STAG1: variants seen among roughly 807,000 people sequenced by gnomAD.
STAG1 encodes the protein cohesin subunit SA-1.
A neutral mutation model predicts 170.9 loss-of-function variants in STAG1; 26 were observed. That is an observed-to-expected ratio of 0.15 (90% CI 0.11 to 0.21). The LOEUF (loss-of-function observed/expected upper bound fraction) is 0.21. Among genes scored for constraint, STAG1 ranks in the 10% least tolerant of loss-of-function variants. The pLI, the probability that STAG1 is intolerant of heterozygous loss-of-function variation, is 1.00. For missense variants in STAG1, 964 were observed against 1,509.5 expected, an observed-to-expected ratio of 0.64 and a Z score of 5.99; for synonymous variants, 514 against 497.7, an observed-to-expected ratio of 1.03 and a Z score of -0.44.
chr3:136,400,934 A>G (rs1017746115), intron 21 of STAG1, among the ~76,000 whole-genome samples: 1 of 152,052 alleles, frequency 6.6e-6, no homozygotes, highest in African/African-American at 2.4e-5. Context: ...AAACAACTGA[A>G]TTTTCCTATC....
At chr3:136,468,265 C>A (rs957706371) in intron 12 of STAG1, among the ~76,000 whole-genome samples, 1 of 151,554 alleles carries the variant, frequency 6.6e-6, no homozygotes, top group Non-Finnish European at 1.5e-5. Flanking sequence ...ACTAGCAAGA[C>A]TAATAAAGAA....
At chr3:136,454,806 C>G (rs2089059061) in intron 13 of STAG1, among the ~76,000 whole-genome samples, 1 of 152,152 alleles carries the variant, frequency 6.6e-6, no homozygotes, top group Non-Finnish European at 1.5e-5. Flanking sequence ...ACAGATCTTA[C>G]TACTTTTTGG....
intron 14 of STAG1, among the ~76,000 whole-genome samples, chr3:136,447,287 C>G (rs940682259): frequency 2.0e-5 from 3 of 151,672 alleles, no homozygotes; most frequent in Non-Finnish European, 2.9e-5. Context: ...ATCTGGCCAA[C>G]ATGGTGAAAC....
intron 3 of STAG1, among the ~76,000 whole-genome samples, chr3:136,614,959 T>C (rs540848274): frequency 4.6e-5 from 7 of 152,078 alleles, no homozygotes; most frequent in Admixed American, 2.6e-4. Context: ...GATAAATACG[T>C]GCAATATAAA....
At chr3:136,500,500 T>A (rs1309652012) in intron 8 of STAG1, among the ~76,000 whole-genome samples, 1 of 152,194 alleles carries the variant, frequency 6.6e-6, no homozygotes, top group African/African-American at 2.4e-5. Flanking sequence ...CTTTTCACTG[T>A]CTCTCTCTAG....
intron 4 of STAG1, among the ~76,000 whole-genome samples, chr3:136,572,032 C>A (rs111559125): frequency 6.7e-4 from 101 of 151,596 alleles, no homozygotes; most frequent in African/African-American, 2.4e-3. Flanking sequence ...AAAATACCAA[C>A]AAAAAGACAG....
chr3:136,665,491 G>C (rs558628262), intron 1 of STAG1, among the ~76,000 whole-genome samples: 2 of 152,204 alleles, frequency 1.3e-5, no homozygotes, highest in African/African-American at 4.8e-5. Context: ...CTTTAGAAGT[G>C]AAAGAAGGCC....
At chr3:136,582,300 C>T (rs1937607958) in intron 4 of STAG1, among the ~76,000 whole-genome samples, 1 of 152,192 alleles carries the variant, frequency 6.6e-6, no homozygotes. Context: ...GTAATAAACA[C>T]GGCTAGAAGA....
At chr3:136,718,313 G>A (rs997648408) in intron 1 of STAG1, among the ~76,000 whole-genome samples, 1 of 151,938 alleles carries the variant, frequency 6.6e-6, no homozygotes, top group African/African-American at 2.4e-5. Flanking sequence ...TATGTGAGGA[G>A]GCAATAAACT....
At chr3:136,433,806 T>G in intron 15 of STAG1, 147 bp from the exon 16 acceptor site, 1 of 600,454 alleles carries the variant, frequency 1.7e-6, no homozygotes, top group Non-Finnish European at 2.8e-6. Context: ...TGCTATTTTT[T>G]TTTTTAAAGT....
In STAG1 at chr3:136,653,962, A is replaced by G. The variant is rs1000723015; in HGVS notation, c.-83-22981T>C. 1.4e-4 allele frequency among the ~76,000 whole-genome samples: 22 copies of G among 152,188 alleles called. 1 individual carries two copies. Among genetic ancestry groups the G allele is most frequent in the African/African-American group, 5.3e-4 (22 of 41,456 alleles). ...CCCCTGCATAACAAGAACACTAAGC[A>G]AACTAGCAACATAAGGGAATTTTCT... On this transcript the variant is annotated intron_variant, in intron 1 of 33. Coordinates refer to ENST00000383202, the MANE Select transcript of STAG1 (RefSeq NM_005862.3).
rs543419772 is a variant in STAG1 at position 136,751,811 on chromosome 3, G to T, written c.-84+384C>A. 6.6e-3 allele frequency among the ~76,000 whole-genome samples: 996 copies of T among 151,192 alleles called. 10 individuals carry two copies. Among genetic ancestry groups the T allele is most frequent in the African/African-American group, 0.023 (964 of 41,410 alleles). On this transcript the variant is annotated intron_variant, in intron 1 of 33. Transcript: ENST00000383202. ...GGGCGACTCCCGAGAGCCCGGGCGG[G>T]GGGGGGCGGAGGGCGGGCTTGGCGG...
chr3:136,736,829 T>G, intron 1 of STAG1: 1 of 1,584,352 alleles, frequency 6.3e-7, no homozygotes, highest in South Asian at 1.1e-5. Flanking sequence ...TCCTTCCTTC[T>G]TTGTTTTTTT....
At position 136,514,763 on chromosome 3, in the gene STAG1, G is replaced by C. The variant is rs574032289; in HGVS notation, c.676+6450C>G. The stretch of plus-strand genomic sequence containing the variant: ...AAGGATGAGTTCACGTCCTTTGCAG[G>C]GGCATGGATGCAGCTGGAAACCATC... On this transcript the variant is annotated intron_variant, in intron 7 of 33. Transcript: ENST00000383202. Among the ~76,000 whole-genome samples the C allele has an allele frequency of 4.3e-3, 659 of 152,190 alleles. 3 individuals are homozygous for C. The highest frequency in any genetic ancestry group is 0.024 in the Middle Eastern group (7 of 294).
chr3:136,616,514 T>A (rs1455842382), intron 3 of STAG1, among the ~76,000 whole-genome samples: 1 of 152,114 alleles, frequency 6.6e-6, no homozygotes, highest in East Asian at 1.9e-4. Flanking sequence ...CTAATATACT[T>A]CCTAAAGTGA....
chr3:136,465,955 A>G (rs962534829), intron 12 of STAG1, among the ~76,000 whole-genome samples: 2 of 152,172 alleles, frequency 1.3e-5, no homozygotes, highest in Non-Finnish European at 2.9e-5. Flanking sequence ...AAGAAAATAG[A>G]GGGAAAACTA....
chr3:136,529,075 G>T (rs1935227826), intron 6 of STAG1, among the ~76,000 whole-genome samples: 1 of 152,032 alleles, frequency 6.6e-6, no homozygotes, highest in Non-Finnish European at 1.5e-5. Flanking sequence ...AGAAAAATGA[G>T]TATCAGAGCC....
chr3:136,371,706 T>C (rs1937347895), intron 23 of STAG1, among the ~76,000 whole-genome samples: 1 of 152,174 alleles, frequency 6.6e-6, no homozygotes, highest in African/African-American at 2.4e-5. Flanking sequence ...TTCTGTTCCA[T>C]TGGTCTATAT....
intron 2 of STAG1, among the ~76,000 whole-genome samples, chr3:136,625,029 T>C (rs1443905629): frequency 2.0e-5 from 3 of 152,190 alleles, no homozygotes; most frequent in Non-Finnish European, 4.4e-5. Flanking sequence ...TTAGCTACCT[T>C]GCAAAATTCC....
Sources: allele counts gnomAD v4.1 joint callset (sites outside exome capture counted in the v4.1 genomes callset), GRCh38; gene constraint gnomAD v4.1.1; transcripts MANE v1.5; gene names NCBI Gene and HGNC (gene_info 2026-07-23, HGNC 2026-07-21).